Variants in ARHGAP35 observed in about 807,000 individuals in gnomAD.
ARHGAP35 encodes the protein Rho GTPase activating protein 35, also known as rho GTPase-activating protein 35.
Under a neutral mutation model 111.1 loss-of-function variants are expected in ARHGAP35, and 15 were observed. The observed-to-expected ratio is 0.13, with a 90% confidence interval of 0.09 to 0.21. The LOEUF (loss-of-function observed/expected upper bound fraction) is 0.21, where lower values mean the gene tolerates loss of function less well. Ranked by LOEUF, ARHGAP35 falls within the 10% of genes least tolerant of loss-of-function variation. The probability of loss-of-function intolerance (pLI) is 1.00; values close to 1 mark genes in which losing one functional copy is unlikely to be tolerated. For missense variants in ARHGAP35, 1,262 were observed against 1,873.0 expected (o/e 0.67, Z 6.02); for synonymous variants, 643 against 710.3 (o/e 0.91, Z 1.51).
Position 46,994,995 on chromosome 19 carries a change from C to T in ARHGAP35, c.4037-4309C>T, listed in dbSNP as rs142258213. 3.3e-5 allele frequency among the ~76,000 whole-genome samples: 5 copies of T among 152,322 alleles called. No homozygotes were observed. The highest frequency in any genetic ancestry group is 9.6e-5 in the African/African-American group (4 of 41,574). On this transcript the variant is annotated intron_variant, in intron 5 of 6. Transcript: ENST00000672722. The surrounding 1 kb of genome is among the most constrained non-coding windows in gnomAD (Gnocchi z 5.4). ...TCTGGGTCAGAGTCACCTCCTCCCT[C>T]GCTGAGGACTGTTGAGGGACCTGTG...
rs535777767 is a variant in ARHGAP35 at position 46,955,411 on chromosome 19, T to A, written c.3826+18003T>A. 4.6e-5 allele frequency among the ~76,000 whole-genome samples: 7 copies of A among 152,298 alleles called. 1 individual carries two copies. In the South Asian group the frequency reaches 1.4e-3, roughly 32 times the overall value. On this transcript the variant is annotated intron_variant, in intron 3 of 6. Transcript: ENST00000672722. The stretch of plus-strand genomic sequence containing the variant: ...ATAAGCATTATTTCATGTCACCCTC[T>A]CCGTGACAGACAGAGCCTGAGAGGA...
At chr19:46,934,670 C>T (rs2056294398) in intron 2 of ARHGAP35, among the ~76,000 whole-genome samples, 1 of 150,104 alleles carries the variant, frequency 6.7e-6, no homozygotes, top group African/African-American at 2.5e-5. Flanking sequence ...CCCGGCCAGC[C>T]CTCTTATTTA....
At chr19:46,911,378 G>A (rs925726895) in intron 1 of ARHGAP35, among the ~76,000 whole-genome samples, 4 of 151,942 alleles carry the variant, frequency 2.6e-5, no homozygotes, top group Non-Finnish European at 2.9e-5. Context: ...TAAGATCCTC[G>A]TCAGCAAAGA....
Position 46,908,416 on chromosome 19 carries a change from G to A in ARHGAP35, c.-188-10072G>A, listed in dbSNP as rs1374264100. Among the ~76,000 whole-genome samples, 3 of 152,060 alleles carry A rather than the reference G, an allele frequency of 2.0e-5. No individual in the cohort carries two copies. The highest frequency in any genetic ancestry group is 1.3e-4 in the Admixed American group (2 of 15,262). On this transcript the variant is annotated intron_variant, in intron 1 of 6. Transcript: ENST00000672722. The surrounding 1 kb of genome is among the most constrained non-coding windows in gnomAD (Gnocchi z 4.2). ...GGCTTATTGGAGTGCCTCCAATTTC[G>A]AATTTGCCTTGGTTTTGTATTCCCT...
rs373778010 is a variant in ARHGAP35, at chr19:46,867,482, T to C, written c.-189+6273T>C. Among the ~76,000 whole-genome samples the C allele has an allele frequency of 7.9e-5, 12 of 152,358 alleles. No homozygotes were observed. In the South Asian group the frequency reaches 1.4e-3, roughly 18 times the overall value. On this transcript the variant is annotated intron_variant, in intron 1 of 6. Transcript: ENST00000672722. Reference sequence around the variant, plus strand: ...TCCTAGCCCTAGCCCTGTCATTTACTAGCTTTGTGACTAGCCAAATCATTT... The same window carrying C: ...TCCTAGCCCTAGCCCTGTCATTTACCAGCTTTGTGACTAGCCAAATCATTT...
intron 1 of ARHGAP35, among the ~76,000 whole-genome samples, chr19:46,870,439 T>C (rs2055881783): frequency 6.6e-6 from 1 of 150,734 alleles, no homozygotes; most frequent in Non-Finnish European, 1.5e-5. Context: ...ATTAGCCGGG[T>C]GTGGTGGCGG....
intron 1 of ARHGAP35, among the ~76,000 whole-genome samples, chr19:46,863,123 T>G (rs1227837832): frequency 6.6e-6 from 1 of 151,658 alleles, no homozygotes; most frequent in Non-Finnish European, 1.5e-5. Flanking sequence ...CTATCAGACC[T>G]GCTCCTCGCA....
intron 1 of ARHGAP35, among the ~76,000 whole-genome samples, chr19:46,912,424 G>C (rs866104500): frequency 6.6e-6 from 1 of 151,174 alleles, no homozygotes; most frequent in Non-Finnish European, 1.5e-5. Flanking sequence ...GCACGATCTC[G>C]GCTCACTGCA....
chr19:46,965,989 G>A (rs1462450180), intron 3 of ARHGAP35, among the ~76,000 whole-genome samples: 1 of 152,018 alleles, frequency 6.6e-6, no homozygotes, highest in African/African-American at 2.4e-5. Context: ...GTCTTCTCTG[G>A]TCAAAACCAA....
chr19:46,874,440 C>T (rs947650174), intron 1 of ARHGAP35, among the ~76,000 whole-genome samples: 3 of 150,614 alleles, frequency 2.0e-5, no homozygotes, highest in African/African-American at 4.9e-5. Context: ...AGACAGATTT[C>T]GTCTTATTAT....
At chr19:46,983,054 CAAAAAAAAAAAAAAA>C (rs71179281) in intron 3 of ARHGAP35, among the ~76,000 whole-genome samples, 28 of 47,654 alleles carry the variant, frequency 5.9e-4, no homozygotes, top group South Asian at 1.3e-3. Flanking sequence ...ACCTTGTGTA[CAAAAAAAAAAAAAAA>C]AAAAAAAAAA....
At chr19:46,979,028 TGTG>T (rs1479601905) in intron 3 of ARHGAP35, among the ~76,000 whole-genome samples, 11 of 49,876 alleles carry the variant, frequency 2.2e-4, no homozygotes, top group South Asian at 7.9e-4. Context: ...GTGGGGCAGG[TGTG>T]GGGGGGTGTG....
In ARHGAP35 at chr19:46,921,137, T is replaced by C. The variant is rs529760710; in HGVS notation, c.2462T>C (p.Leu821Ser). 6 of 1,614,076 alleles carry C rather than the reference T, an allele frequency of 3.7e-6. No individual in the cohort carries two copies. The Admixed American group carries it at 8.3e-5, about 22-fold the overall frequency. The change falls in exon 2 of 7, where the codon TTA becomes TCA. Residue 821 changes from leucine (L) to serine (S), a missense_variant. Around this residue, in one of 8 missense-constraint regions of ARHGAP35, gnomAD observed 579 missense variants for 716.9 expected, o/e 0.81. Transcript: ENST00000672722. This position sits in a 1 kb window ranked among gnomAD's most constrained non-coding sequence, Gnocchi z 4.3. ...CATTGTGGAAGCAACAACTCTGTTT[T>C]ACTTGAACTACCAATCGGACTGCAC... ...SSHCGSNNSV[L>S]LELPIGLHKK...
chr19:46,957,109 A>T (rs13346852), intron 3 of ARHGAP35, among the ~76,000 whole-genome samples: 1 of 151,592 alleles, frequency 6.6e-6, no homozygotes, highest in African/African-American at 2.4e-5. Flanking sequence ...CTACAGGCAC[A>T]CACCACCACG....
chr19:46,921,222 C>T lies in ARHGAP35; in HGVS notation c.2547C>T (p.Ser849=). 6.2e-7 allele frequency: 1 copy of T among 1,614,004 alleles called. No homozygotes were observed. Among genetic ancestry groups the T allele is most frequent in the Non-Finnish European group, 8.5e-7 (1 of 1,179,894 alleles). ...SYHSSFSIRK[S]RLVHGYIVFY... ...ATTCCTCCTTTAGCATCAGAAAGAG[C>T]CGGTTGGTTCATGGGTACATTGTTT... Residue 849 remains serine, a synonymous_variant, in exon 2 of 7, where the codon AGC becomes AGT. Transcript: ENST00000672722. The surrounding 1 kb of genome is among the most constrained non-coding windows in gnomAD (Gnocchi z 4.3).
chr19:46,969,152 G>A (rs1004643979), intron 3 of ARHGAP35, among the ~76,000 whole-genome samples: 4 of 152,130 alleles, frequency 2.6e-5, no homozygotes, highest in Non-Finnish European at 5.9e-5. Context: ...ATTTGGAGTG[G>A]CTGCTCATGG....
chr19:46,957,241 G>A (rs1013667850), intron 3 of ARHGAP35, among the ~76,000 whole-genome samples: 6 of 152,044 alleles, frequency 3.9e-5, no homozygotes, highest in Non-Finnish European at 8.8e-5. Context: ...GATTACAGGC[G>A]TGAGCCACTG....
intron 3 of ARHGAP35, among the ~76,000 whole-genome samples, chr19:46,981,066 T>TA (rs2056618025): frequency 6.6e-6 from 1 of 152,166 alleles, no homozygotes; most frequent in Non-Finnish European, 1.5e-5. Flanking sequence ...ACACCATAGA[T>TA]ACACTGTTAG....
chr19:46,959,022 G>A (rs527578053), intron 3 of ARHGAP35, among the ~76,000 whole-genome samples: 1 of 142,128 alleles, frequency 7.0e-6, no homozygotes, highest in African/African-American at 2.6e-5. Flanking sequence ...GTTTTTAAAC[G>A]AAGTACAGTT....
Sources: allele counts gnomAD v4.1 joint callset (sites outside exome capture counted in the v4.1 genomes callset), GRCh38; gene constraint gnomAD v4.1.1; regional missense constraint gnomAD v4.1.1; non-coding constraint Gnocchi (gnomAD v3.1); transcripts MANE v1.5; gene names NCBI Gene and HGNC (gene_info 2026-07-23, HGNC 2026-07-21).